The following SYS1 variants were observed in gnomAD, a reference collection of about 807,000 sequenced individuals.
SYS1 encodes the protein SYS1 golgi trafficking protein, also known as protein SYS1 homolog.
Under a neutral mutation model 17.8 loss-of-function variants are expected in SYS1, and 8 were observed. The observed-to-expected ratio is 0.45, with a 90% CI of 0.26 to 0.81. The LOEUF is 0.81. SYS1 is among the 40% of genes least tolerant of loss of function. The probability of loss-of-function intolerance (pLI) is 0.16; values close to 1 mark genes in which losing one functional copy is unlikely to be tolerated. For missense variants in SYS1, 161 were observed against 203.9 expected (o/e 0.79, Z 1.28); for synonymous variants, 95 against 90.9 (o/e 1.05, Z -0.26).
downstream of SYS1, among the ~76,000 whole-genome samples, chr20:45,369,720 GC>G (rs1222752501): frequency 6.7e-6 from 1 of 149,680 alleles, no homozygotes; most frequent in African/African-American, 2.5e-5. Context: ...TCCTGCCGCA[GC>G]CCCCCAAGTA....
At chr20:45,373,484 C>T, downstream of SYS1, 1 of 230,440 alleles carries the variant, frequency 4.3e-6, no homozygotes, top group Non-Finnish European at 8.8e-6. Context: ...GACTTCTGAG[C>T]AGGCTCTCAT....
Position 45,365,681 on chromosome 20 carries a change from C to CA in SYS1, c.226dup (p.Thr76AsnfsTer78). 6.2e-7 allele frequency: 1 copy of CA among 1,614,156 alleles called. No homozygotes were observed. The highest frequency in any genetic ancestry group is 8.5e-7 in the Non-Finnish European group (1 of 1,180,002). The stretch of plus-strand genomic sequence containing the variant: ...TGATGTCCTTCATCCTCAACGCCCT[C>CA]ACCTGGTGAGTATCACCAGTTTTGC... On this transcript the variant is annotated frameshift_variant, in exon 3 of 4. Transcript: ENST00000243918. LOFTEE classifies it high-confidence loss of function.
chr20:45,372,079 C>T (rs1988572029), downstream of SYS1, among the ~76,000 whole-genome samples: 1 of 152,198 alleles, frequency 6.6e-6, no homozygotes, highest in Non-Finnish European at 1.5e-5. Context: ...GCCTCCTCCC[C>T]AAATCTGTGT....
At chr20:45,366,702 C>T (rs544265117) in intron 3 of SYS1, among the ~76,000 whole-genome samples, 173 bp from the exon 4 acceptor site, 2 of 152,304 alleles carry the variant, frequency 1.3e-5, no homozygotes, top group African/African-American at 2.4e-5. Context: ...CAGTCAGCTT[C>T]ACTCTTGACA....
downstream of SYS1, chr20:45,373,785 G>C (rs1988630818): frequency 1.3e-5 from 12 of 904,972 alleles, no homozygotes; most frequent in Non-Finnish European, 2.1e-5. Flanking sequence ...GGGTGGGGGT[G>C]GGGGAAGCCT....
chr20:45,368,596 GAA>G lies in SYS1; in HGVS notation c.*1482_*1483del, dbSNP rs1988490706. On this transcript the variant is annotated 3_prime_UTR_variant, in exon 4 of 4. Coordinates refer to ENST00000243918, the MANE Select transcript of SYS1 (RefSeq NM_033542.4). ...AGTAGGGAGTTGATGCTGACAGGAT[GAA>G]GATTTAGGAATAAATATGCCTGGGA... is the stretch of plus-strand genomic sequence containing the variant. 1 of 985,324 alleles carries G rather than the reference GAA, an allele frequency of 1.0e-6. No homozygotes were observed. The highest frequency in any genetic ancestry group is 6.2e-5 in the Admixed American group (1 of 16,256). The allele number at this position is 985,324 out of a possible 1,614,324, so 61.0% of individuals were successfully genotyped here.
chr20:45,370,404 A>G (rs563489339), downstream of SYS1, among the ~76,000 whole-genome samples: 4 of 152,306 alleles, frequency 2.6e-5, no homozygotes, highest in African/African-American at 9.6e-5. Context: ...CTGGCCATTC[A>G]GAGAGAAAAG....
chr20:45,364,465 C>CTTTTT lies in SYS1; in HGVS notation c.162+792_162+796dup, dbSNP rs386393831. ...CTGTGGCGTGGTGATGAGCACAGTTCTTTTTTTTTTTTTTTTTTTTTTTTG... is the reference window on the plus strand; with the variant it reads ...CTGTGGCGTGGTGATGAGCACAGTTCTTTTTTTTTTTTTTTTTTTTTTTTTTTTTG... On this transcript the variant is annotated intron_variant, in intron 2 of 3. Coordinates refer to ENST00000243918, the MANE Select transcript of SYS1 (RefSeq NM_033542.4). Among the ~76,000 whole-genome samples, 328 of 80,108 alleles carry CTTTTT rather than the reference C, an allele frequency of 4.1e-3. 30 individuals carry two copies. The highest frequency in any genetic ancestry group is 4.9e-3 in the African/African-American group (97 of 19,872). The allele number at this position is 80,108 out of a possible 152,430, so 52.6% of individuals were successfully genotyped here.
chr20:45,375,111 C>A (rs1358893010), exon 4 of SYS1: 7 of 1,613,994 alleles, frequency 4.3e-6, no homozygotes, highest in African/African-American at 1.3e-5. Context: ...TGACCCAACG[C>A]AGGGTGGAGG....
chr20:45,374,962 T>C, exon 4 of SYS1: 1 of 1,540,704 alleles, frequency 6.5e-7, no homozygotes, highest in Non-Finnish European at 8.8e-7. Context: ...TCCTGAACCC[T>C]GACTCTGGGG....
exon 4 of SYS1, chr20:45,375,760 C>T: frequency 1.7e-6 from 1 of 603,692 alleles, no homozygotes; most frequent in Non-Finnish European, 2.9e-6. Flanking sequence ...AAGGTGAAAG[C>T]CATGACTAGT....
rs1263523072 is a variant in SYS1, at chr20:45,368,852, C to G, written c.*1737C>G. The G allele has an allele frequency of 1.0e-6, 1 of 985,314 alleles. No homozygotes were observed. The highest frequency in any genetic ancestry group is 1.7e-5 in the African/African-American group (1 of 57,234). 61.0% of individuals were successfully genotyped at this position (985,314 alleles called of 1,614,324 possible). A position where few individuals can be genotyped will look rare whatever the true frequency, so the allele number is the denominator to read the frequency against. ...CACCCATCATGTGGCTGCTGTCACC[C>G]TTGACCAGCCGTGGTGGTGGTTACT... On this transcript the variant is annotated 3_prime_UTR_variant, in exon 4 of 4. Coordinates refer to ENST00000243918, the MANE Select transcript of SYS1 (RefSeq NM_033542.4).
rs1176621862 is a variant in SYS1, at chr20:45,374,362, C to T, written c.*68C>T. On this transcript the variant is annotated 3_prime_UTR_variant, in exon 4 of 4. Transcript: ENST00000426004. ...GTCACAGCTCACTGCAGCCTCGACT[C>T]CTGGGCTTAAGCGATCCTCCGACCT... 6.1e-6 allele frequency: 4 copies of T among 657,472 alleles called. No homozygotes were observed. The Admixed American group carries it at 9.9e-5, about 16-fold the overall frequency. 40.7% of individuals were successfully genotyped at this position (657,472 alleles called of 1,614,324 possible).
rs1163143807 is a variant in SYS1 at position 45,367,789 on chromosome 20, A to T, written c.*674A>T. 2 of 986,154 alleles carry T rather than the reference A, an allele frequency of 2.0e-6. No individual in the cohort carries two copies. The highest frequency in any genetic ancestry group is 2.3e-4 in the East Asian group (2 of 8,836). 61.1% of individuals were successfully genotyped at this position (986,154 alleles called of 1,614,324 possible). On this transcript the variant is annotated 3_prime_UTR_variant, in exon 4 of 4. Transcript: ENST00000243918. ...GGTCCCCATCCTGCTGCCAGCTCTC[A>T]ACATAGCAGGCCATAGGACCCAGAG...
downstream of SYS1, among the ~76,000 whole-genome samples, chr20:45,369,947 TTCAC>T (rs1306452707): frequency 6.8e-6 from 1 of 148,100 alleles, no homozygotes; most frequent in Non-Finnish European, 1.5e-5. Context: ...GAAACAGAGT[TTCAC>T]TCCGACTTCA....
chr20:45,374,657 A>G, exon 4 of SYS1: 1 of 431,120 alleles, frequency 2.3e-6, no homozygotes, highest in Non-Finnish European at 4.1e-6. Context: ...GGGATGCAGC[A>G]AAGCCCTACT....
In SYS1 at chr20:45,366,892, A is replaced by G. The variant is rs1055667445; in HGVS notation, c.248A>G (p.Tyr83Cys). 6.2e-7 allele frequency: 1 copy of G among 1,614,170 alleles called. No individual in the cohort carries two copies. The highest frequency in any genetic ancestry group is 1.1e-5 in the South Asian group (1 of 91,076). ...NALTCALGLLYFIRRGKQCLD... is the reference protein window; with the variant it reads ...NALTCALGLLCFIRRGKQCLD... ...CCCCACAGTGCCCTGGGCTTGCTGT[A>G]CTTCATCCGGCGAGGAAAGCAGTGT... Residue 83 changes from tyrosine (Y) to cysteine (C), a missense_variant, in exon 4 of 4, where the codon TAC becomes TGC. Coordinates refer to ENST00000243918, the MANE Select transcript of SYS1 (RefSeq NM_033542.4).
At chr20:45,371,779 A>G (rs749303406), downstream of SYS1, among the ~76,000 whole-genome samples, 3 of 152,238 alleles carry the variant, frequency 2.0e-5, no homozygotes, top group Non-Finnish European at 2.9e-5. Context: ...GTAGCTGCTG[A>G]TAAGTGAGAA....
intron 3 of SYS1, among the ~76,000 whole-genome samples, chr20:45,366,554 T>C (rs1193578869): frequency 6.6e-6 from 1 of 152,214 alleles, no homozygotes; most frequent in Non-Finnish European, 1.5e-5. Flanking sequence ...GCCAACCTTC[T>C]AGCATGATAA....
Sources: gnomAD v4.1 joint callset for allele counts (sites outside exome capture counted in the v4.1 genomes callset) on GRCh38, gnomAD v4.1.1 for gene constraint, MANE v1.5 for transcripts, NCBI Gene and HGNC (gene_info 2026-07-23, HGNC 2026-07-21) for gene names.